TEAD3: variants seen among roughly 807,000 people sequenced by gnomAD.
The protein encoded by TEAD3 is TEA domain transcription factor 3.
Under a neutral mutation model 55.6 loss-of-function variants are expected in TEAD3, and 15 were observed. The observed-to-expected ratio is 0.27, with a 90% confidence interval of 0.18 to 0.42. TEAD3 has a LOEUF of 0.42. TEAD3 is among the 10% of genes least tolerant of loss of function. The pLI, the probability that TEAD3 is intolerant of heterozygous loss-of-function variation, is 1.00. For missense variants in TEAD3, 407 were observed against 576.8 expected (o/e 0.71, Z 3.01); for synonymous variants, 210 against 232.2 (o/e 0.90, Z 0.87).
At chr6:35,476,013 C>T (rs775182098) in exon 10 of TEAD3, 16 of 1,563,598 alleles carry the variant, frequency 1.0e-5, no homozygotes, top group South Asian at 6.0e-5. Flanking sequence ...ATAGATCTGG[C>T]GCACATCTAC....
At chr6:35,480,480 G>C in intron 3 of TEAD3, 106 bp from the exon 4 acceptor site, 1 of 1,153,838 alleles carries the variant, frequency 8.7e-7, no homozygotes, top group African/African-American at 1.5e-5. Flanking sequence ...TCATCTCTAG[G>C]GAACTACATG....
chr6:35,481,860 A>G (rs1189552946), intron 3 of TEAD3, among the ~76,000 whole-genome samples: 2 of 152,234 alleles, frequency 1.3e-5, no homozygotes, highest in African/African-American at 4.8e-5. Context: ...AACAGCTGAA[A>G]GTCACACAGA....
At position 35,475,859 on chromosome 6, in the gene TEAD3, G is replaced by T; in HGVS notation, c.900+60C>A. On this transcript the variant is annotated intron_variant, in intron 10 of 12. Coordinates refer to ENST00000639578, the Ensembl canonical transcript of TEAD3. The surrounding 1 kb of genome is among the most constrained non-coding windows in gnomAD (Gnocchi z 5.4). ...GTCAGAGGTCAATGCAGTGGGCCTG[G>T]ATGTTGCACCTCTGGGGTGGGGAAG... The T allele has an allele frequency of 1.3e-6, 2 of 1,499,680 alleles. No individual in the cohort carries two copies. The highest frequency in any genetic ancestry group is 1.8e-6 in the Non-Finnish European group (2 of 1,122,702). The allele number at this position is 1,499,680 out of a possible 1,614,324, so 92.9% of individuals were successfully genotyped here. A position where few individuals can be genotyped will look rare whatever the true frequency, so the allele number is the denominator to read the frequency against.
intron 3 of TEAD3, 137 bp downstream of exon 4, chr6:35,480,175 A>G: frequency 6.5e-7 from 1 of 1,549,322 alleles, no homozygotes. Flanking sequence ...AAGGAGAGGC[A>G]GAAACAGAGC....
chr6:35,490,712 G>C lies in TEAD3; in HGVS notation c.-49-4001C>G, dbSNP rs78958108. Among the ~76,000 whole-genome samples, 284 of 152,318 alleles carry C rather than the reference G, an allele frequency of 1.9e-3. 7 individuals are homozygous for C. In the East Asian group the frequency reaches 0.045, roughly 24 times the overall value. On this transcript the variant is annotated intron_variant, in intron 1 of 12. Transcript: ENST00000639578. ...TCTGTTCTCCTAGAGACCAGCATGT[G>C]CCCGCCTTCTTCTCCCTAGATCCTC...
At position 35,486,704 on chromosome 6, in the gene TEAD3, G is replaced by A. The variant is rs376629766; in HGVS notation, c.-42C>T. ...GGCTCTGGGCCTGAGCCCACTGGGC[G>A]GCTGAGCCTGGGGGACAGACAGACA... On this transcript the variant is annotated 5_prime_UTR_variant, in exon 2 of 13. Coordinates refer to ENST00000639578, the Ensembl canonical transcript of TEAD3. The surrounding 1 kb of genome is among the most constrained non-coding windows in gnomAD (Gnocchi z 7.3). 1.1e-5 allele frequency: 18 copies of A among 1,594,624 alleles called. No individual in the cohort carries two copies. Among genetic ancestry groups the A allele is most frequent in the Non-Finnish European group, 1.4e-5 (16 of 1,169,204 alleles).
Position 35,486,381 on chromosome 6 carries a change from G to T in TEAD3, c.202+80C>A. The T allele has an allele frequency of 1.3e-6, 2 of 1,491,338 alleles. No homozygotes were observed. The highest frequency in any genetic ancestry group is 1.8e-6 in the Non-Finnish European group (2 of 1,111,450). 92.4% of individuals were successfully genotyped at this position (1,491,338 alleles called of 1,614,324 possible). On this transcript the variant is annotated intron_variant, in intron 2 of 12. Transcript: ENST00000639578. This position sits in a 1 kb window ranked among gnomAD's most constrained non-coding sequence, Gnocchi z 7.3. Reference sequence around the variant, plus strand: ...GCCCGGCCAGCGGCTGGCGGCCTCCGACGTCACCAAACCGGTTGGGTGAGA... The same window carrying T: ...GCCCGGCCAGCGGCTGGCGGCCTCCTACGTCACCAAACCGGTTGGGTGAGA...
In TEAD3 at chr6:35,483,386, G is replaced by A. The variant is rs1367237692; in HGVS notation, c.267+1174C>T. ...GTAGCACTGGCCTCCATTCCTCCAG[G>A]TCCCGCCTCCAGCCTGGCCTCTCCC... On this transcript the variant is annotated intron_variant, in intron 3 of 12. Transcript: ENST00000639578. This position sits in a 1 kb window ranked among gnomAD's most constrained non-coding sequence, Gnocchi z 4.5. Among the ~76,000 whole-genome samples, 1 of 152,050 alleles carries A rather than the reference G, an allele frequency of 6.6e-6. No homozygotes were observed. The highest frequency in any genetic ancestry group is 2.1e-4 in the South Asian group (1 of 4,824).
At chr6:35,476,211 C>T in intron 9 of TEAD3, 91 bp downstream of exon 9, 1 of 1,557,312 alleles carries the variant, frequency 6.4e-7, no homozygotes, top group South Asian at 1.2e-5. Context: ...GCCAGACCCC[C>T]AACCCCCAGA....
At chr6:35,479,339 AG>A in intron 4 of TEAD3, 23 bp from the exon 5 acceptor site, 1 of 1,613,768 alleles carries the variant, frequency 6.2e-7, no homozygotes, top group South Asian at 1.1e-5. Context: ...GAAGGAAGAT[AG>A]ATTAGAGGAC....
In TEAD3 at chr6:35,491,650, C is replaced by G. The variant is rs958627660; in HGVS notation, c.-49-4939G>C. 2.6e-5 allele frequency among the ~76,000 whole-genome samples: 4 copies of G among 152,330 alleles called. No homozygotes were observed. In the South Asian group the frequency reaches 8.3e-4, roughly 32 times the overall value. ...AAACCCGCCAGCAGGCTGCAGACCC[C>G]CAGGGGACTCAGTCTGCCTTCACCC... On this transcript the variant is annotated intron_variant, in intron 1 of 12. Transcript: ENST00000639578. This position sits in a 1 kb window ranked among gnomAD's most constrained non-coding sequence, Gnocchi z 4.4.
chr6:35,487,195 G>T (rs1394357127), intron 1 of TEAD3, among the ~76,000 whole-genome samples: 2 of 152,080 alleles, frequency 1.3e-5, no homozygotes, highest in African/African-American at 4.8e-5. Context: ...CGAGGTGGGT[G>T]GATCATTTAA....
intron 3 of TEAD3, among the ~76,000 whole-genome samples, chr6:35,481,571 T>TA (rs1369246326): frequency 6.6e-6 from 1 of 152,218 alleles, no homozygotes; most frequent in African/African-American, 2.4e-5. Context: ...AACTGGCGTT[T>TA]ACTGAGCACA....
intron 1 of TEAD3, among the ~76,000 whole-genome samples, chr6:35,493,250 C>A (rs1007898911): frequency 1.3e-5 from 2 of 152,160 alleles, no homozygotes; most frequent in African/African-American, 4.8e-5. Context: ...TCTAAGTGTA[C>A]AATTGAGAGG....
At position 35,492,555 on chromosome 6, in the gene TEAD3, G is replaced by T. The variant is rs1465259123; in HGVS notation, c.-50+4343C>A. ...AGGGTCTCAATTTTTACAGGAGGAA[G>T]CAATTTGCAGAGCCCACTAGGAGGG... On this transcript the variant is annotated intron_variant, in intron 1 of 12. Transcript: ENST00000639578. Among the ~76,000 whole-genome samples, 3 of 152,122 alleles carry T rather than the reference G, an allele frequency of 2.0e-5. No individual in the cohort carries two copies. In the South Asian group the frequency reaches 6.2e-4, roughly 31 times the overall value.
At position 35,485,374 on chromosome 6, in the gene TEAD3, GC is replaced by G. The variant is rs1455877337; in HGVS notation, c.203-751del. Among the ~76,000 whole-genome samples the G allele has an allele frequency of 6.6e-6, 1 of 152,122 alleles. No homozygotes were observed. Among genetic ancestry groups the G allele is most frequent in the African/African-American group, 2.4e-5 (1 of 41,408 alleles). ...CAGACCCTCTGAGGGCCCAAAAGCTGCCAGTGTCCAGGGACTTGGGCCTGAA... is the reference window on the plus strand; with the variant it reads ...CAGACCCTCTGAGGGCCCAAAAGCTGCAGTGTCCAGGGACTTGGGCCTGAA... On this transcript the variant is annotated intron_variant, in intron 2 of 12. Coordinates refer to ENST00000639578, the Ensembl canonical transcript of TEAD3. The surrounding 1 kb of genome is among the most constrained non-coding windows in gnomAD (Gnocchi z 4.3).
At chr6:35,478,675 C>T in intron 5 of TEAD3, 104 bp from the exon 6 acceptor site, 1 of 1,405,352 alleles carries the variant, frequency 7.1e-7, no homozygotes, top group East Asian at 2.5e-5. Flanking sequence ...ACTAGGATGG[C>T]AGGTGTTCCT....
intron 6 of TEAD3, 53 bp from the exon 7 acceptor site, chr6:35,478,377 A>T: frequency 6.2e-7 from 1 of 1,613,666 alleles, no homozygotes; most frequent in South Asian, 1.1e-5. Context: ...GAACCCCACT[A>T]AAGCTCATCC....
chr6:35,475,504 A>G lies in TEAD3; in HGVS notation c.1042-16T>C. ...CATACTCAGTCTGCAGAGAATATGG[A>G]GAAGGCGTCACTCGGCCTGCCTGCT... On this transcript the variant is annotated splice_polypyrimidine_tract_variant and intron_variant, in intron 11 of 12. Transcript: ENST00000639578. The surrounding 1 kb of genome is among the most constrained non-coding windows in gnomAD (Gnocchi z 5.4). 6.2e-7 allele frequency: 1 copy of G among 1,607,926 alleles called. No individual in the cohort carries two copies. The highest frequency in any genetic ancestry group is 8.5e-7 in the Non-Finnish European group (1 of 1,175,232).
Sources: gnomAD v4.1 joint callset for allele counts (sites outside exome capture counted in the v4.1 genomes callset) on GRCh38, gnomAD v4.1.1 for gene constraint, Gnocchi (gnomAD v3.1) non-coding constraint, MANE v1.5 for transcripts, NCBI Gene and HGNC (gene_info 2026-07-23, HGNC 2026-07-21) for gene names.